Variants in DNAJC17 observed in about 807,000 individuals in gnomAD.
DNAJC17 encodes DnaJ heat shock protein family (Hsp40) member C17, also known as dnaJ homolog subfamily C member 17.
A neutral mutation model predicts 48.1 loss-of-function variants in DNAJC17; 35 were observed. That is an observed-to-expected ratio of 0.73 (90% CI 0.56 to 0.96). The LOEUF (loss-of-function observed/expected upper bound fraction) is 0.96, where lower values mean the gene tolerates loss of function less well. Among genes scored for constraint, DNAJC17 ranks in the 50% least tolerant of loss-of-function variants. DNAJC17 has a pLI of 0.00. For missense variants in DNAJC17, 355 were observed against 377.1 expected (o/e 0.94, Z 0.48); for synonymous variants, 117 against 142.7 (o/e 0.82, Z 1.28).
chr15:40,805,787 C>G (rs1217280730), intron 1 of DNAJC17, among the ~76,000 whole-genome samples: 2 of 150,178 alleles, frequency 1.3e-5, no homozygotes, highest in East Asian at 4.0e-4. Flanking sequence ...GCCGAGATCG[C>G]GCCACTGCAC....
chr15:40,774,234 C>A, intron 9 of DNAJC17, 122 bp downstream of exon 9: 2 of 1,157,322 alleles, frequency 1.7e-6, no homozygotes, highest in Non-Finnish European at 2.5e-6. Flanking sequence ...AGCCTTGGCT[C>A]TAAGCTGGCC....
chr15:40,806,460 G>A (rs967013106), intron 1 of DNAJC17, among the ~76,000 whole-genome samples: 5 of 151,740 alleles, frequency 3.3e-5, no homozygotes, highest in South Asian at 2.1e-4. Context: ...CACATGATCC[G>A]CCCGCCTCGG....
chr15:40,796,438 G>T (rs1353657105), intron 1 of DNAJC17, among the ~76,000 whole-genome samples: 1 of 152,184 alleles, frequency 6.6e-6, no homozygotes. Flanking sequence ...TGAATTAGGT[G>T]TGGGAGATAG....
rs766705474 is a variant in DNAJC17 at position 40,767,957 on chromosome 15, C to G, written c.898G>C (p.Glu300Gln). ...LIARMQQEDQ[E>Q]GPPT ...AGCTGGGGCTACGTAGGCGGCCCCT[C>G]CTGGTCTTCCTGCTGCATCCGTGCG... The change falls in exon 11 of 11, where the codon GAG (glutamate) becomes CAG (glutamine). Residue 300 changes from glutamate to glutamine, a missense_variant. Physicochemically the swap from Glu to Gln is conservative, Grantham distance 29 (BLOSUM62 2). Coordinates refer to ENST00000220496, the MANE Select transcript of DNAJC17 (RefSeq NM_018163.3). The G allele has an allele frequency of 8.1e-6, 13 of 1,613,008 alleles. No homozygotes were observed. The East Asian group carries it at 1.6e-4, about 19-fold the overall frequency.
At chr15:40,804,773 C>T (rs890096412) in intron 1 of DNAJC17, among the ~76,000 whole-genome samples, 2 of 149,536 alleles carry the variant, frequency 1.3e-5, no homozygotes, top group Non-Finnish European at 3.0e-5. Flanking sequence ...AGGCCAAGGC[C>T]GGCAGATCAC....
At chr15:40,780,612 G>C (rs1284065119) in intron 1 of DNAJC17, 1 of 338,668 alleles carries the variant, frequency 3.0e-6, no homozygotes, top group African/African-American at 2.2e-5. Context: ...TCAGGAGTTT[G>C]AGACCAGCCT....
chr15:40,781,635 G>A (rs1428007874), intron 1 of DNAJC17, among the ~76,000 whole-genome samples: 1 of 151,960 alleles, frequency 6.6e-6, no homozygotes, highest in African/African-American at 2.4e-5. Context: ...AAACTTTTGA[G>A]TTTAGTCCAG....
At chr15:40,799,834 ATT>A (rs1890032640) in intron 1 of DNAJC17, among the ~76,000 whole-genome samples, 1 of 151,890 alleles carries the variant, frequency 6.6e-6, no homozygotes, top group Admixed American at 6.6e-5. Flanking sequence ...ACCAACATTT[ATT>A]TCTCTCTCTC....
chr15:40,785,416 A>C (rs763017213), intron 1 of DNAJC17, among the ~76,000 whole-genome samples: 1 of 152,218 alleles, frequency 6.6e-6, no homozygotes, highest in African/African-American at 2.4e-5. Flanking sequence ...AATCTTCTAC[A>C]TACTGATAGC....
intron 1 of DNAJC17, among the ~76,000 whole-genome samples, chr15:40,783,110 A>G (rs550040651): frequency 4.6e-5 from 7 of 152,232 alleles, no homozygotes; most frequent in Admixed American, 4.6e-4. Context: ...TAGGTCCCTT[A>G]TCATTCGTCT....
chr15:40,779,749 G>C, intron 2 of DNAJC17, 146 bp from the exon 3 acceptor site: 1 of 1,110,316 alleles, frequency 9.0e-7, no homozygotes. Context: ...ACAAGGAGGG[G>C]TGAGCATATC....
intron 1 of DNAJC17, among the ~76,000 whole-genome samples, chr15:40,784,086 G>A (rs1033834255): frequency 1.3e-5 from 2 of 152,102 alleles, no homozygotes; most frequent in Non-Finnish European, 2.9e-5. Flanking sequence ...AATTAGCTGG[G>A]CGTGGTGGCA....
intron 4 of DNAJC17, among the ~76,000 whole-genome samples, chr15:40,777,989 C>T (rs1889377883): frequency 6.6e-6 from 1 of 152,054 alleles, no homozygotes; most frequent in Non-Finnish European, 1.5e-5. Flanking sequence ...TCTGAGGGAG[C>T]TTCTCAAAGT....
chr15:40,767,514 C>G lies in DNAJC17; in HGVS notation c.*426G>C, dbSNP rs1236267983. 1.3e-6 allele frequency: 1 copy of G among 799,666 alleles called. No individual in the cohort carries two copies. The highest frequency in any genetic ancestry group is 1.8e-5 in the African/African-American group (1 of 55,292). The allele number at this position is 799,666 out of a possible 1,614,324, so 49.5% of individuals were successfully genotyped here. A position where few individuals can be genotyped will look rare whatever the true frequency, so the allele number is the denominator to read the frequency against. ...GTGAATGGCCTTCTCTGAAACCCTGCGTCAAGCAGTGGGAGAGGGCAGTGC... is the reference window on the plus strand; with the variant it reads ...GTGAATGGCCTTCTCTGAAACCCTGGGTCAAGCAGTGGGAGAGGGCAGTGC... On this transcript the variant is annotated 3_prime_UTR_variant, in exon 11 of 11. Transcript: ENST00000220496.
Position 40,770,262 on chromosome 15 carries a change from G to A in DNAJC17, c.793-2200C>T. The stretch of plus-strand genomic sequence containing the variant: ...AACCAGGCCACTCCTGTCCCTGTGG[G>A]AAACTCTTGCTGCCAGGAACTCCCA... On this transcript the variant is annotated intron_variant, in intron 10 of 10. Transcript: ENST00000220496. The surrounding 1 kb of genome is among the most constrained non-coding windows in gnomAD (Gnocchi z 5.0). 1 of 562,156 alleles carries A rather than the reference G, an allele frequency of 1.8e-6. No individual in the cohort carries two copies. Among genetic ancestry groups the A allele is most frequent in the East Asian group, 3.0e-5 (1 of 33,864 alleles). The allele number at this position is 562,156 out of a possible 1,614,324, so 34.8% of individuals were successfully genotyped here. A position where few individuals can be genotyped will look rare whatever the true frequency, so the allele number is the denominator to read the frequency against.
In DNAJC17 at chr15:40,771,257, G is replaced by A. The variant is rs117477898; in HGVS notation, c.792+2470C>T. On this transcript the variant is annotated intron_variant, in intron 10 of 10. Coordinates refer to ENST00000220496, the MANE Select transcript of DNAJC17 (RefSeq NM_018163.3). ...GGACAGAGGCAATCTGGAAATGTTGGGGGGGCGGCCCTTCCTGGCAGGACC... is the reference window on the plus strand; with the variant it reads ...GGACAGAGGCAATCTGGAAATGTTGAGGGGGCGGCCCTTCCTGGCAGGACC... 3.1e-3 allele frequency: 1,751 copies of A among 568,124 alleles called. 21 individuals carry two copies. The highest frequency in any genetic ancestry group is 0.02 in the Admixed American group (618 of 30,960). 35.2% of individuals were successfully genotyped at this position (568,124 alleles called of 1,614,324 possible). A position where few individuals can be genotyped will look rare whatever the true frequency, so the allele number is the denominator to read the frequency against.
intron 1 of DNAJC17, among the ~76,000 whole-genome samples, chr15:40,804,407 G>A (rs62018585): frequency 0.36 from 53,533 of 148,932 alleles, 9,829 homozygotes; most frequent in Middle Eastern, 0.45. Flanking sequence ...GCTGGACCCC[G>A]TCTCTGGAAA....
chr15:40,803,101 C>CAA (rs780051630), intron 1 of DNAJC17, among the ~76,000 whole-genome samples: 4 of 45,564 alleles, frequency 8.8e-5, no homozygotes, highest in South Asian at 7.1e-4. Context: ...GACCCTGGGT[C>CAA]AAAAAAAAAA....
At chr15:40,796,785 C>T (rs1889948175) in intron 1 of DNAJC17, among the ~76,000 whole-genome samples, 1 of 152,142 alleles carries the variant, frequency 6.6e-6, no homozygotes, top group Non-Finnish European at 1.5e-5. Flanking sequence ...TTTTGTGACC[C>T]AATCTCACTC....
Sources: gnomAD v4.1 joint callset for allele counts (sites outside exome capture counted in the v4.1 genomes callset) on GRCh38, gnomAD v4.1.1 for gene constraint, Gnocchi (gnomAD v3.1) non-coding constraint, MANE v1.5 for transcripts, NCBI Gene and HGNC (gene_info 2026-07-23, HGNC 2026-07-21) for gene names.